Variants in COL4A1 observed in about 807,000 individuals in gnomAD.
The protein encoded by COL4A1 is collagen alpha-1(IV) chain.
Under a neutral mutation model 216.6 loss-of-function variants are expected in COL4A1, and 40 were observed. The ratio of observed to expected loss-of-function variants is 0.18; its 90% confidence interval spans 0.14 to 0.24. The LOEUF (loss-of-function observed/expected upper bound fraction) is 0.24. Ranked by LOEUF, COL4A1 falls within the 10% of genes least tolerant of loss-of-function variation. COL4A1 has a pLI of 1.00. For missense variants in COL4A1, 1,628 were observed against 2,196.8 expected, an observed-to-expected ratio of 0.74 and a Z score of 5.18; for synonymous variants, 839 against 810.7, an observed-to-expected ratio of 1.03 and a Z score of -0.59.
intron 1 of COL4A1, among the ~76,000 whole-genome samples, chr13:110,298,446 T>C (rs1461710750): frequency 6.6e-6 from 1 of 152,238 alleles, no homozygotes; most frequent in African/African-American, 2.4e-5. Context: ...ACCGGGTTTG[T>C]GTATGTGTCC....
intron 19 of COL4A1, 39 bp downstream of exon 19, chr13:110,201,399 G>C (rs1415728676): frequency 7.2e-7 from 1 of 1,396,820 alleles, no homozygotes. Flanking sequence ...AGAGAAGGAG[G>C]GGGAGTAGGA....
chr13:110,286,125 G>A (rs1883836135), intron 1 of COL4A1, among the ~76,000 whole-genome samples: 1 of 152,206 alleles, frequency 6.6e-6, no homozygotes, highest in South Asian at 2.1e-4. Flanking sequence ...GCCCTAAGGA[G>A]AAACTGCCAT....
intron 1 of COL4A1, among the ~76,000 whole-genome samples, chr13:110,291,141 C>T (rs1884071300): frequency 6.6e-6 from 1 of 152,218 alleles, no homozygotes; most frequent in African/African-American, 2.4e-5. Context: ...CCCCTCCTGA[C>T]CTTAAGGTGT....
chr13:110,149,983 G>A lies in COL4A1; in HGVS notation c.*380C>T. The A allele has an allele frequency of 3.0e-6, 1 of 334,586 alleles. No individual in the cohort carries two copies. The highest frequency in any genetic ancestry group is 5.8e-6 in the Non-Finnish European group (1 of 171,460). The allele number at this position is 334,586 out of a possible 1,614,324, so 20.7% of individuals were successfully genotyped here. A position where few individuals can be genotyped will look rare whatever the true frequency, so the allele number is the denominator to read the frequency against. ...ATATAAACAAACATTTATCTCTGGGGGTAGAAAATTAATTATAATACAAGA... is the reference window on the plus strand; with the variant it reads ...ATATAAACAAACATTTATCTCTGGGAGTAGAAAATTAATTATAATACAAGA... On this transcript the variant is annotated 3_prime_UTR_variant, in exon 52 of 52. Coordinates refer to ENST00000375820, the MANE Select transcript of COL4A1 (RefSeq NM_001845.6).
intron 1 of COL4A1, among the ~76,000 whole-genome samples, chr13:110,285,506 G>C (rs1378927186): frequency 6.6e-6 from 1 of 152,192 alleles, no homozygotes; most frequent in Non-Finnish European, 1.5e-5. Context: ...TTAGTTTTAT[G>C]TGTCACCTTG....
At chr13:110,266,265 C>A (rs979669059) in intron 1 of COL4A1, among the ~76,000 whole-genome samples, 1 of 152,206 alleles carries the variant, frequency 6.6e-6, no homozygotes, top group East Asian at 1.9e-4. Context: ...TCCACACGCA[C>A]CAAGCTCCGG....
chr13:110,200,726 A>C, intron 20 of COL4A1, 128 bp downstream of exon 20: 1 of 1,033,462 alleles, frequency 9.7e-7, no homozygotes, highest in Non-Finnish European at 1.5e-6. Context: ...CATCACTAGA[A>C]AAGATGTCGT....
rs1324295201 is a variant in COL4A1 at position 110,252,756 on chromosome 13, ATATG to A, written c.85-10026_85-10023del. Among the ~76,000 whole-genome samples the A allele has an allele frequency of 7.5e-5, 6 of 79,614 alleles. No individual in the cohort carries two copies. The South Asian group carries it at 2.1e-3, about 29-fold the overall frequency. 52.2% of individuals were successfully genotyped at this position (79,614 alleles called of 152,430 possible). A position where few individuals can be genotyped will look rare whatever the true frequency, so the allele number is the denominator to read the frequency against. On this transcript the variant is annotated intron_variant, in intron 1 of 51. Transcript: ENST00000375820. The stretch of plus-strand genomic sequence containing the variant: ...GTATGTATGTATTATACATATAATT[ATATG>A]TATGTATCATATAAACATATAATTA...
At chr13:110,204,777 C>A (rs1419986676) in intron 17 of COL4A1, among the ~76,000 whole-genome samples, 4 of 151,758 alleles carry the variant, frequency 2.6e-5, no homozygotes, top group African/African-American at 7.3e-5. Flanking sequence ...CCCAATATTA[C>A]GCTTTTAGGA....
At chr13:110,201,611 A>ATTTGTTT (rs1566370332) in intron 18 of COL4A1, 89 bp from the exon 19 acceptor site, 1 of 1,105,868 alleles carries the variant, frequency 9.0e-7, no homozygotes, top group Admixed American at 1.7e-5. Flanking sequence ...AAATGTACAT[A>ATTTGTTT]TTTGTTTTTA....
Position 110,301,872 on chromosome 13 carries a change from A to C in COL4A1, c.84+5072T>G, listed in dbSNP as rs779412927. Among the ~76,000 whole-genome samples, 34 of 152,232 alleles carry C rather than the reference A, an allele frequency of 2.2e-4. 1 individual carries two copies. Among genetic ancestry groups the C allele is most frequent in the Non-Finnish European group, 4.1e-4 (28 of 68,038 alleles). ...CGTACCACAAAGGGAATGCACAGCC[A>C]AGCCAAAAAGAGGGGGAACCCCAGT... is the stretch of plus-strand genomic sequence containing the variant. On this transcript the variant is annotated intron_variant, in intron 1 of 51. Coordinates refer to ENST00000375820, the MANE Select transcript of COL4A1 (RefSeq NM_001845.6).
At chr13:110,203,487 C>A (rs913393750) in intron 18 of COL4A1, 79 bp downstream of exon 18, 20 of 1,530,612 alleles carry the variant, frequency 1.3e-5, no homozygotes, top group East Asian at 1.1e-4. Flanking sequence ...CTTCCTCCCC[C>A]CAGTGCTCTC....
At chr13:110,242,579 C>G in intron 2 of COL4A1, 96 bp downstream of exon 2, 1 of 1,359,142 alleles carries the variant, frequency 7.4e-7, no homozygotes. Context: ...AGTAATAAGG[C>G]TTTCACCTGA....
At chr13:110,176,838 G>A (rs758597821) in intron 34 of COL4A1, 47 bp downstream of exon 34, 3 of 1,613,904 alleles carry the variant, frequency 1.9e-6, no homozygotes, top group African/African-American at 1.3e-5. Context: ...CCCAGGAAAG[G>A]CACATTGTGG....
intron 1 of COL4A1, among the ~76,000 whole-genome samples, chr13:110,244,945 T>C (rs7320618): frequency 0.19 from 28,609 of 152,186 alleles, 3,009 homozygotes; most frequent in African/African-American, 0.28. Flanking sequence ...CATCTTAGAA[T>C]TGATGAAATC....
chr13:110,201,301 CGGAGGAAGAGAA>C (rs1879197320), intron 19 of COL4A1, 125 bp downstream of exon 19: 3 of 425,880 alleles, frequency 7.0e-6, no homozygotes, highest in African/African-American at 3.8e-5. Context: ...AAGGAGGGGG[CGGAGGAAGAGAA>C]GGAGGGGGAG....
intron 1 of COL4A1, among the ~76,000 whole-genome samples, chr13:110,273,814 G>A (rs770473740): frequency 1.3e-5 from 2 of 152,188 alleles, no homozygotes; most frequent in Non-Finnish European, 1.5e-5. Context: ...AATCAGTCAA[G>A]TGAGGCTGAA....
At chr13:110,274,963 T>C (rs560632174) in intron 1 of COL4A1, among the ~76,000 whole-genome samples, 6 of 152,324 alleles carry the variant, frequency 3.9e-5, no homozygotes, top group African/African-American at 1.4e-4. Flanking sequence ...CCAAAAATCC[T>C]TGCTCGCAGC....
intron 2 of COL4A1, among the ~76,000 whole-genome samples, chr13:110,218,027 A>G (rs1880175103): frequency 6.6e-6 from 1 of 152,198 alleles, no homozygotes; most frequent in African/African-American, 2.4e-5. Flanking sequence ...GAAAGCAAAT[A>G]CTCTAATAAG....
Sources: gnomAD v4.1 joint callset for allele counts (sites outside exome capture counted in the v4.1 genomes callset) on GRCh38, gnomAD v4.1.1 for gene constraint, MANE v1.5 for transcripts, NCBI Gene and HGNC (gene_info 2026-07-23, HGNC 2026-07-21) for gene names.